The following PPARD variants were observed in gnomAD, a reference collection of about 807,000 sequenced individuals.
PPARD encodes peroxisome proliferator-activated receptor delta.
In PPARD, 6 loss-of-function variants were observed where a neutral mutation model predicts 39.5. The ratio of observed to expected loss-of-function variants is 0.15; its 90% CI spans 0.08 to 0.30. The LOEUF is 0.30. PPARD is among the 10% of genes least tolerant of loss of function. The pLI, the probability that PPARD is intolerant of heterozygous loss-of-function variation, is 1.00. For synonymous variants in PPARD, 210 were observed against 231.3 expected (o/e 0.91, Z 0.83); for missense variants, 397 against 596.8 (o/e 0.67, Z 3.49).
In PPARD at chr6:35,391,761, T is replaced by C. The variant is rs1225131633; in HGVS notation, c.-101-19226T>C. ...ACCAAGCTCTACAGCCATCTCTCCC[T>C]GTGACCATAGCCAAGTCATTTCTGA... On this transcript the variant is annotated intron_variant, in intron 2 of 7. Coordinates refer to ENST00000360694, the MANE Select transcript of PPARD (RefSeq NM_006238.5). Among the ~76,000 whole-genome samples the C allele has an allele frequency of 2.0e-5, 3 of 152,182 alleles. No homozygotes were observed. In the East Asian group the frequency reaches 5.8e-4, roughly 29 times the overall value.
intron 1 of PPARD, among the ~76,000 whole-genome samples, chr6:35,346,038 G>A (rs991150322): frequency 6.6e-6 from 1 of 152,030 alleles, no homozygotes; most frequent in Non-Finnish European, 1.5e-5. Context: ...CACCACGCCT[G>A]GCTCATTTTT....
chr6:35,354,614 C>T (rs1322714936), intron 2 of PPARD, among the ~76,000 whole-genome samples: 2 of 152,028 alleles, frequency 1.3e-5, no homozygotes, highest in Non-Finnish European at 2.9e-5. Flanking sequence ...TACGACCATT[C>T]TGTTTTTTCA....
intron 1 of PPARD, among the ~76,000 whole-genome samples, chr6:35,346,126 G>A (rs996824429): frequency 2.0e-5 from 3 of 151,974 alleles, no homozygotes; most frequent in East Asian, 3.9e-4. Flanking sequence ...TGATCTGCCC[G>A]CCTCAGCCTC....
chr6:35,389,335 G>A (rs1041402136), intron 2 of PPARD, among the ~76,000 whole-genome samples: 1 of 152,042 alleles, frequency 6.6e-6, no homozygotes, highest in East Asian at 1.9e-4. Flanking sequence ...TTTTGAGATG[G>A]AGTCTTGCTC....
intron 3 of PPARD, among the ~76,000 whole-genome samples, chr6:35,416,266 C>CG (rs1352518949): frequency 1.3e-5 from 2 of 149,786 alleles, no homozygotes; most frequent in African/African-American, 4.9e-5. Context: ...CCCAGCTACT[C>CG]GGGGGGCTGA....
At chr6:35,386,188 A>G (rs1016683185) in intron 2 of PPARD, among the ~76,000 whole-genome samples, 1 of 151,954 alleles carries the variant, frequency 6.6e-6, no homozygotes, top group Non-Finnish European at 1.5e-5. Context: ...ATGGGAGGAG[A>G]AAGCAGTGTT....
At chr6:35,348,635 AC>A (rs1761031958) in intron 2 of PPARD, 18 of 984,888 alleles carry the variant, frequency 1.8e-5, no homozygotes, top group Non-Finnish European at 2.2e-5. Context: ...TGCCTTTAAC[AC>A]CCTGCAGGTT....
intron 2 of PPARD, among the ~76,000 whole-genome samples, chr6:35,400,434 T>G (rs967494308): frequency 6.6e-6 from 1 of 152,182 alleles, no homozygotes; most frequent in African/African-American, 2.4e-5. Flanking sequence ...TTCAGGAACT[T>G]AAGAGTCTCA....
chr6:35,425,869 T>C lies in PPARD; in HGVS notation c.1116T>C (p.Ala372=). Residue 372 remains alanine, a synonymous_variant, in exon 8 of 8, where the codon GCT becomes GCC. Coordinates refer to ENST00000360694, the MANE Select transcript of PPARD (RefSeq NM_006238.5). This position sits in a 1 kb window ranked among gnomAD's most constrained non-coding sequence, Gnocchi z 4.5. ...TCATGAACGTTCCACGGGTGGAGGC[T>C]ATCCAGGACACCATCCTGCGTGCCC... The part of the protein sequence containing the change: ...PGLMNVPRVE[A]IQDTILRALE... The C allele has an allele frequency of 6.2e-7, 1 of 1,614,052 alleles. No homozygotes were observed. Among genetic ancestry groups the C allele is most frequent in the Non-Finnish European group, 8.5e-7 (1 of 1,179,994 alleles).
At chr6:35,375,754 G>A (rs1251840744) in intron 2 of PPARD, among the ~76,000 whole-genome samples, 1 of 151,714 alleles carries the variant, frequency 6.6e-6, no homozygotes, top group African/African-American at 2.4e-5. Flanking sequence ...GGATGTTACT[G>A]TGTTGCCCAG....
chr6:35,392,520 G>C (rs561532001), intron 2 of PPARD, among the ~76,000 whole-genome samples: 1 of 152,118 alleles, frequency 6.6e-6, no homozygotes, highest in African/African-American at 2.4e-5. Flanking sequence ...GAATTCCAAG[G>C]CCAGTCCAGA....
rs1761166825 is a variant in PPARD at position 35,350,435 on chromosome 6, A to T, written c.-102+3285A>T. ...TGATTTGGTTTTTGTGGATGGCAAG[A>T]GGTAGGGGTCTAGTTTCATTCATCT... On this transcript the variant is annotated intron_variant, in intron 2 of 7. Coordinates refer to ENST00000360694, the MANE Select transcript of PPARD (RefSeq NM_006238.5). 2.0e-5 allele frequency among the ~76,000 whole-genome samples: 3 copies of T among 152,064 alleles called. No homozygotes were observed. The South Asian group carries it at 6.2e-4, about 31-fold the overall frequency.
At chr6:35,391,477 T>TA (rs1324079944) in intron 2 of PPARD, among the ~76,000 whole-genome samples, 7 of 152,234 alleles carry the variant, frequency 4.6e-5, no homozygotes, top group African/African-American at 1.7e-4. Context: ...TCCTGTTGCT[T>TA]ACATCAGGAG....
chr6:35,378,466 T>G (rs1056129179), intron 2 of PPARD, among the ~76,000 whole-genome samples: 1 of 152,178 alleles, frequency 6.6e-6, no homozygotes, highest in Admixed American at 6.5e-5. Flanking sequence ...TGCCAGAGAC[T>G]TAAAACAAGC....
At position 35,424,580 on chromosome 6, in the gene PPARD, G is replaced by T. The variant is rs780335736; in HGVS notation, c.879G>T (p.Met293Ile). 6.2e-7 allele frequency: 1 copy of T among 1,614,240 alleles called. No individual in the cohort carries two copies. The highest frequency in any genetic ancestry group is 8.5e-7 in the Non-Finnish European group (1 of 1,180,044). Residue 293 changes from methionine (M) to isoleucine (I), a missense_variant, in exon 7 of 8, where the codon ATG (methionine) becomes ATT (isoleucine). By Grantham distance (10) the Met-to-Ile change is conservative (BLOSUM62 1). Coordinates refer to ENST00000360694, the MANE Select transcript of PPARD (RefSeq NM_006238.5). The surrounding 1 kb of genome is among the most constrained non-coding windows in gnomAD (Gnocchi z 7.1). The part of the protein sequence containing the change: ...KYGVHEAIFA[M>I]LASIVNKDGL... ...GCGTGCACGAGGCCATCTTCGCCAT[G>T]CTGGCCTCTATCGTCAACAAGGACG...
At chr6:35,404,747 G>C (rs2267667) in intron 2 of PPARD, among the ~76,000 whole-genome samples, 99,297 of 152,100 alleles carry the variant, frequency 0.65, 34,932 homozygotes, top group South Asian at 0.79. Context: ...TAGTTGCTCT[G>C]GCCCCAGACC....
At position 35,385,646 on chromosome 6, in the gene PPARD, T is replaced by A. The variant is rs867529958; in HGVS notation, c.-101-25341T>A. Among the ~76,000 whole-genome samples, 429 of 96,550 alleles carry A rather than the reference T, an allele frequency of 4.4e-3. 2 individuals carry two copies. Among genetic ancestry groups the A allele is most frequent in the East Asian group, 0.02 (79 of 3,916 alleles). 63.3% of individuals were successfully genotyped at this position (96,550 alleles called of 152,430 possible). A position where few individuals can be genotyped will look rare whatever the true frequency, so the allele number is the denominator to read the frequency against. Reference sequence around the variant, plus strand: ...ATTATCAATAAAAAATAAATAAATTTAAAAAAAAAAAAAAAAAAAAACAAA... The same window carrying A: ...ATTATCAATAAAAAATAAATAAATTAAAAAAAAAAAAAAAAAAAAAACAAA... On this transcript the variant is annotated intron_variant, in intron 2 of 7. Transcript: ENST00000360694.
At chr6:35,405,891 A>C (rs1765016423) in intron 2 of PPARD, among the ~76,000 whole-genome samples, 1 of 150,492 alleles carries the variant, frequency 6.6e-6, no homozygotes, top group South Asian at 2.1e-4. Flanking sequence ...TGGCCTCCCA[A>C]AGTGCTGGGA....
intron 2 of PPARD, among the ~76,000 whole-genome samples, chr6:35,355,372 C>T (rs950627717): frequency 1.3e-4 from 20 of 151,628 alleles, no homozygotes; most frequent in African/African-American, 3.1e-4. Context: ...GGCAACATGG[C>T]GAAACCCCGT....
Sources: gnomAD v4.1 joint callset for allele counts (sites outside exome capture counted in the v4.1 genomes callset) on GRCh38, gnomAD v4.1.1 for gene constraint, Gnocchi (gnomAD v3.1) non-coding constraint, MANE v1.5 for transcripts, NCBI Gene and HGNC (gene_info 2026-07-23, HGNC 2026-07-21) for gene names.